The following CDH23 variants were observed in gnomAD, a reference collection of about 807,000 sequenced individuals.
CDH23 encodes cadherin related 23.
CDH23 carries 189 observed loss-of-function variants against 317.1 expected under a neutral mutation model. The observed-to-expected ratio is 0.60, with a 90% CI of 0.53 to 0.67. The LOEUF (loss-of-function observed/expected upper bound fraction) is 0.67. CDH23 is among the 30% of genes least tolerant of loss of function. The pLI is 0.00. For missense variants in CDH23, 4,401 were observed against 4,592.4 expected, an observed-to-expected ratio of 0.96 and a Z score of 1.20; for synonymous variants, 1,839 against 1,876.8, an observed-to-expected ratio of 0.98 and a Z score of 0.52.
intron 14 of CDH23, among the ~76,000 whole-genome samples, chr10:71,654,760 C>T (rs1451232038): frequency 2.0e-5 from 3 of 152,152 alleles, no homozygotes; most frequent in Non-Finnish European, 4.4e-5. Flanking sequence ...CGGACATCTC[C>T]CAGCATGGGA....
chr10:71,795,848 CTGTT>C (rs1841387172), intron 48 of CDH23: 1 of 987,230 alleles, frequency 1.0e-6, no homozygotes, highest in Non-Finnish European at 1.2e-6. Flanking sequence ...GGTTTGAGCT[CTGTT>C]TCTCTGTCAC....
chr10:71,707,641 C>A, intron 26 of CDH23: 1 of 653,262 alleles, frequency 1.5e-6, no homozygotes, highest in Non-Finnish European at 1.9e-6. Flanking sequence ...TGGTGGCGCA[C>A]ATGCCATGGG....
chr10:71,487,266 T>A (rs1037009786), intron 3 of CDH23, among the ~76,000 whole-genome samples: 1 of 152,132 alleles, frequency 6.6e-6, no homozygotes. Flanking sequence ...TATATATGAG[T>A]GTGTATATGT....
At chr10:71,720,539 C>T (rs1326504361) in intron 28 of CDH23, among the ~76,000 whole-genome samples, 1 of 152,162 alleles carries the variant, frequency 6.6e-6, no homozygotes, top group African/African-American at 2.4e-5. Flanking sequence ...TTGGCAGCTT[C>T]CCCACCAGGG....
rs761252546 is a variant in CDH23 at position 71,805,969 on chromosome 10, T to C, written c.8036T>C (p.Leu2679Pro). 1.3e-6 allele frequency: 2 copies of C among 1,547,034 alleles called. No individual in the cohort carries two copies. The highest frequency in any genetic ancestry group is 1.8e-6 in the Non-Finnish European group (2 of 1,142,260). ...GGCCTCATCCAGACTGCTCAGCGCCTGGACCGCGAGTCGCAGGCGGTGTAC... is the reference window on the plus strand; with the variant it reads ...GGCCTCATCCAGACTGCTCAGCGCCCGGACCGCGAGTCGCAGGCGGTGTAC... ...ISGLIQTAQR[L>P]DRESQAVYSL... The change falls in exon 56 of 70, where the codon CTG becomes CCG. Residue 2679 changes from leucine to proline, a missense_variant. Physicochemically the swap from Leu to Pro is moderately conservative, Grantham distance 98 (BLOSUM62 -3). Coordinates refer to ENST00000224721, the MANE Select transcript of CDH23 (RefSeq NM_022124.6).
chr10:71,720,176 C>G (rs1866487328), intron 28 of CDH23, among the ~76,000 whole-genome samples: 1 of 152,192 alleles, frequency 6.6e-6, no homozygotes, highest in Admixed American at 6.5e-5. Flanking sequence ...AGTGCTGGTC[C>G]CTGGCAGCCC....
rs527643078 is a variant in CDH23 at position 71,762,057 on chromosome 10, G to A, written c.4846-15623G>A. On this transcript the variant is annotated intron_variant, in intron 38 of 69. Transcript: ENST00000224721. ...CAGAGAGAGGAGAGCCCTGTCACCT[G>A]ACTGATCCAGTGCTACTCCTGGCAA... 1.9e-6 allele frequency: 3 copies of A among 1,561,804 alleles called. No individual in the cohort carries two copies. In the South Asian group the frequency reaches 3.6e-5, roughly 19 times the overall value.
rs774547323 is a variant in CDH23 at position 71,790,387 on chromosome 10, G to T, written c.6023G>T (p.Gly2008Val). 1.1e-5 allele frequency: 18 copies of T among 1,613,450 alleles called. No individual in the cohort carries two copies. The East Asian group carries it at 3.8e-4, about 34-fold the overall frequency. Residue 2008 changes from glycine (G) to valine (V), a missense_variant, in exon 46 of 70, where the codon GGC becomes GTC. Gly to Val is a moderately radical substitution (Grantham distance 109). Transcript: ENST00000224721. ...TACCAGCTGCTGGGTGCCCAGAGTG[G>T]CCTCTTTGACATCAACAGCAGCACC... ...VTYQLLGAQSGLFDINSSTGV... is the reference protein window; with the variant it reads ...VTYQLLGAQSVLFDINSSTGV...
intron 38 of CDH23, among the ~76,000 whole-genome samples, chr10:71,776,977 C>T (rs1302198638): frequency 6.6e-6 from 1 of 152,132 alleles, no homozygotes; most frequent in Admixed American, 6.5e-5. Flanking sequence ...TGCTGATTGC[C>T]GAGTTCTGAT....
chr10:71,709,103 A>C lies in CDH23; in HGVS notation c.3112A>C (p.Asn1038His). 6.2e-7 allele frequency: 1 copy of C among 1,613,798 alleles called. No homozygotes were observed. Among genetic ancestry groups the C allele is most frequent in the South Asian group, 1.1e-5 (1 of 91,072 alleles). Reference protein sequence around the residue: ...AELSYFITGGNVDGKFSVGYR... With the variant: ...AELSYFITGGHVDGKFSVGYR... ...TTCCTCTCCTTCACCCACAGGTGGC[A>C]ACGTGGATGGGAAGTTCAGCGTGGG... Residue 1038 changes from asparagine (N) to histidine (H), a missense_variant, in exon 27 of 70, where the codon AAC becomes CAC. Asn to His is a moderately conservative substitution (Grantham distance 68, BLOSUM62 1). This residue lies in a region of CDH23 where 3,068 missense variants were observed against 3,203.3 expected (regional missense o/e 0.96). Coordinates refer to ENST00000224721, the MANE Select transcript of CDH23 (RefSeq NM_022124.6).
At chr10:71,636,889 T>C (rs57888734) in intron 11 of CDH23, among the ~76,000 whole-genome samples, 3 of 152,134 alleles carry the variant, frequency 2.0e-5, no homozygotes, top group South Asian at 2.1e-4. Context: ...CCACCCACCA[T>C]GTGACATGGG....
At chr10:71,794,948 G>A (rs1841360602) in intron 48 of CDH23, among the ~76,000 whole-genome samples, 1 of 152,136 alleles carries the variant, frequency 6.6e-6, no homozygotes, top group Non-Finnish European at 1.5e-5. Flanking sequence ...GTGCATCATG[G>A]GGGTACCAGC....
intron 3 of CDH23, among the ~76,000 whole-genome samples, chr10:71,488,811 G>C (rs1282343849): frequency 6.6e-6 from 1 of 152,130 alleles, no homozygotes; most frequent in African/African-American, 2.4e-5. Context: ...GCCTGAACAT[G>C]TCTGTATCAT....
At chr10:71,651,720 C>T (rs1054339487) in intron 14 of CDH23, among the ~76,000 whole-genome samples, 1 of 152,148 alleles carries the variant, frequency 6.6e-6, no homozygotes, top group Non-Finnish European at 1.5e-5. Context: ...CCACAATATG[C>T]CCTTTGGGAT....
chr10:71,768,956 C>A (rs771306760), intron 38 of CDH23, among the ~76,000 whole-genome samples: 39 of 152,172 alleles, frequency 2.6e-4, no homozygotes, highest in Admixed American at 5.2e-4. Flanking sequence ...AGGTAGTCAG[C>A]CTCTGGAGGT....
chr10:71,653,798 A>G (rs1900515), intron 14 of CDH23, among the ~76,000 whole-genome samples: 98,921 of 152,040 alleles, frequency 0.65, 32,472 homozygotes, highest in South Asian at 0.77. Flanking sequence ...AGTGTGCTGT[A>G]GAGAGAATAA....
chr10:71,668,488 A>G (rs1480828575), intron 14 of CDH23, among the ~76,000 whole-genome samples: 2 of 152,162 alleles, frequency 1.3e-5, no homozygotes, highest in South Asian at 2.1e-4. Context: ...GGAGTTAACC[A>G]TGTTGATTCA....
chr10:71,481,526 C>T (rs1363328808), intron 3 of CDH23, among the ~76,000 whole-genome samples: 1 of 152,134 alleles, frequency 6.6e-6, no homozygotes, highest in Non-Finnish European at 1.5e-5. Context: ...GTGGCTGGGG[C>T]CCTGGGTGCC....
At position 71,706,109 on chromosome 10, in the gene CDH23, A is replaced by G. The variant is rs576268364; in HGVS notation, c.2954-788A>G. The stretch of plus-strand genomic sequence containing the variant: ...GGAGGGCCTTTCTCCAAGACTCAGC[A>G]GAAGCCATAACATCAAATGGGCCCA... On this transcript the variant is annotated intron_variant, in intron 25 of 69. Transcript: ENST00000224721. Among the ~76,000 whole-genome samples, 395 of 152,314 alleles carry G rather than the reference A, an allele frequency of 2.6e-3. 3 individuals are homozygous for G. The highest frequency in any genetic ancestry group is 9.2e-3 in the African/African-American group (381 of 41,562).
Sources: allele counts gnomAD v4.1 joint callset (sites outside exome capture counted in the v4.1 genomes callset), GRCh38; gene constraint gnomAD v4.1.1; regional missense constraint gnomAD v4.1.1; transcripts MANE v1.5; gene names NCBI Gene and HGNC (gene_info 2026-07-23, HGNC 2026-07-21).